The following MAST4 variants were observed in gnomAD, a reference collection of about 807,000 sequenced individuals.
The protein encoded by MAST4 is microtubule-associated serine/threonine-protein kinase 4.
A neutral mutation model predicts 162.7 loss-of-function variants in MAST4; 89 were observed. The observed-to-expected ratio is 0.55, with a 90% CI of 0.46 to 0.65. The LOEUF (loss-of-function observed/expected upper bound fraction) is 0.65, where lower values mean the gene tolerates loss of function less well. Among genes scored for constraint, MAST4 ranks in the 30% least tolerant of loss-of-function variants. The pLI, the probability that MAST4 is intolerant of heterozygous loss-of-function variation, is 0.00. For synonymous variants in MAST4, 1,479 were observed against 1,361.1 expected, an observed-to-expected ratio of 1.09 and a Z score of -1.91; for missense variants, 3,153 against 3,374.0, an observed-to-expected ratio of 0.93 and a Z score of 1.62.
chr5:66,995,328 A>C (rs2150295015), intron 4 of MAST4, among the ~76,000 whole-genome samples: 1 of 152,316 alleles, frequency 6.6e-6, no homozygotes, highest in South Asian at 2.1e-4. Context: ...AAGTATTCTA[A>C]AATTCTCAGG....
Position 67,165,844 on chromosome 5 carries a change from C to T in MAST4, c.6665C>T (p.Thr2222Ile), listed in dbSNP as rs759077139. Reference sequence around the variant, plus strand: ...TCTCAGAAACCAAGTGTCGGGGCCACAAAGGGCAAAGAGCCTGCCACTCAG... The same window carrying T: ...TCTCAGAAACCAAGTGTCGGGGCCATAAAGGGCAAAGAGCCTGCCACTCAG... ...LSSQKPSVGATKGKEPATQSL... is the reference protein window; with the variant it reads ...LSSQKPSVGAIKGKEPATQSL... The change falls in exon 29 of 29, where the codon ACA becomes ATA. Residue 2222 changes from threonine to isoleucine, a missense_variant. By Grantham distance (89) the Thr-to-Ile change is moderately conservative. Coordinates refer to ENST00000403625, the MANE Select transcript of MAST4 (RefSeq NM_001164664.2). 3.1e-6 allele frequency: 5 copies of T among 1,613,126 alleles called. No homozygotes were observed. The highest frequency in any genetic ancestry group is 4.2e-6 in the Non-Finnish European group (5 of 1,179,882).
intron 3 of MAST4, among the ~76,000 whole-genome samples, chr5:66,859,278 C>G (rs187324493): frequency 9.7e-4 from 148 of 152,272 alleles, no homozygotes; most frequent in African/African-American, 3.3e-3. Context: ...GTTAGACATA[C>G]ATTAAGATTT....
At chr5:67,137,959 A>G (rs1769878127) in intron 19 of MAST4, among the ~76,000 whole-genome samples, 1 of 152,140 alleles carries the variant, frequency 6.6e-6, no homozygotes, top group Admixed American at 6.5e-5. Flanking sequence ...TGACTAGACA[A>G]CTTCTTTTAG....
At chr5:66,877,438 C>T (rs1761378627) in intron 3 of MAST4, among the ~76,000 whole-genome samples, 1 of 152,184 alleles carries the variant, frequency 6.6e-6, no homozygotes, top group Admixed American at 6.5e-5. Flanking sequence ...GGGTGAAGTT[C>T]AGTAACTTGC....
intron 3 of MAST4, among the ~76,000 whole-genome samples, chr5:66,868,449 A>G (rs1426749273): frequency 2.0e-5 from 3 of 147,204 alleles, no homozygotes; most frequent in East Asian, 3.9e-4. Flanking sequence ...ATATATGTGT[A>G]TATACGTATA....
Position 67,160,506 on chromosome 5 carries a change from C to G in MAST4, c.3699C>G (p.Ile1233Met). The G allele has an allele frequency of 6.2e-7, 1 of 1,613,820 alleles. No homozygotes were observed. Residue 1233 changes from isoleucine to methionine, a missense_variant, in exon 27 of 29, where the codon ATC (isoleucine) becomes ATG (methionine). Physicochemically the swap from Ile to Met is conservative, Grantham distance 10. Transcript: ENST00000403625. Reference sequence around the variant, plus strand: ...CTACCCCATTTGAAAACACATCAATCAAAACTGGACCAGCCAGGAGAAACA... The same window carrying G: ...CTACCCCATTTGAAAACACATCAATGAAAACTGGACCAGCCAGGAGAAACA... Reference protein sequence around the residue: ...ITTTPFENTSIKTGPARRNSY... With the variant: ...ITTTPFENTSMKTGPARRNSY...
At position 67,102,549 on chromosome 5, in the gene MAST4, C is replaced by T. The variant is rs1048901863; in HGVS notation, c.1084C>T (p.Pro362Ser). 1 of 1,613,930 alleles carries T rather than the reference C, an allele frequency of 6.2e-7. No homozygotes were observed. Among genetic ancestry groups the T allele is most frequent in the Non-Finnish European group, 8.5e-7 (1 of 1,179,846 alleles). Reference protein sequence around the residue: ...RSRSLSPGRSPACCDHEIIMM... With the variant: ...RSRSLSPGRSSACCDHEIIMM... ...CTTTGCTTGCAGCCCTGGACGTTCT[C>T]CCGCCTGCTGTGACCATGAAATAAT... Residue 362 changes from proline to serine, a missense_variant, in exon 9 of 29, where the codon CCC becomes TCC. This residue lies in a region of MAST4 where 360 missense variants were observed against 450.0 expected (regional missense o/e 0.80). Coordinates refer to ENST00000403625, the MANE Select transcript of MAST4 (RefSeq NM_001164664.2).
At chr5:66,964,949 T>C (rs1174744575) in intron 4 of MAST4, among the ~76,000 whole-genome samples, 7 of 152,258 alleles carry the variant, frequency 4.6e-5, no homozygotes. Context: ...TTAAAAATAT[T>C]AACTTACAAG....
rs182320553 is a variant in MAST4, at chr5:67,166,274, C to A, written c.7095C>A (p.Thr2365=). ...GCCCGAGTCAGCCGGCCGCCAACAC[C>A]GACAGAAGGGCGGAAGGGAAGAAAT... ...DKSPSQPAAN[T]DRRAEGKKCT... Residue 2365 remains threonine, a synonymous_variant, in exon 29 of 29, where the codon ACC becomes ACA. Coordinates refer to ENST00000403625, the MANE Select transcript of MAST4 (RefSeq NM_001164664.2). The A allele has an allele frequency of 1.6e-5, 25 of 1,556,504 alleles. No individual in the cohort carries two copies. Among genetic ancestry groups the A allele is most frequent in the Middle Eastern group, 3.3e-4 (2 of 5,996 alleles).
At chr5:67,078,864 A>ACATATT (rs1561621438) in intron 5 of MAST4, among the ~76,000 whole-genome samples, 1 of 112,350 alleles carries the variant, frequency 8.9e-6, no homozygotes, top group African/African-American at 3.7e-5. Flanking sequence ...ATTTATATAA[A>ACATATT]TATATATTTA....
At position 66,661,070 on chromosome 5, in the gene MAST4, C is replaced by A. The variant is rs148297924; in HGVS notation, c.363+64052C>A. ...TTGGGAGAGTAGTATTTCCTCTGAT[C>A]CTCTAGGCATCCCTAGTGTCTATAT... On this transcript the variant is annotated intron_variant, in intron 1 of 28. Transcript: ENST00000403625. Among the ~76,000 whole-genome samples the A allele has an allele frequency of 2.3e-4, 35 of 152,230 alleles. 1 individual carries two copies. Among genetic ancestry groups the A allele is most frequent in the Non-Finnish European group, 3.1e-4 (21 of 68,022 alleles).
chr5:67,104,307 A>G (rs1207314847), intron 9 of MAST4, 59 bp from the exon 10 acceptor site: 1 of 1,283,456 alleles, frequency 7.8e-7, no homozygotes, highest in Non-Finnish European at 1.1e-6. Flanking sequence ...TGATGATTGA[A>G]TTGTTTACAT....
intron 3 of MAST4, 106 bp from the exon 4 acceptor site, chr5:66,899,845 A>G (rs1762896874): frequency 4.5e-6 from 4 of 892,544 alleles, no homozygotes; most frequent in Non-Finnish European, 3.2e-6. Context: ...AGAAATGCCA[A>G]ATCAAGCGTA....
intron 1 of MAST4, among the ~76,000 whole-genome samples, chr5:66,727,524 G>A (rs1751597240): frequency 1.3e-5 from 2 of 152,068 alleles, no homozygotes; most frequent in Admixed American, 6.6e-5. Context: ...GAGGAGGAGG[G>A]CAGTAAAAAG....
At chr5:67,026,125 G>A (rs1042719405) in intron 4 of MAST4, among the ~76,000 whole-genome samples, 2 of 152,208 alleles carry the variant, frequency 1.3e-5, no homozygotes, top group Non-Finnish European at 2.9e-5. Context: ...CCTAGAGTTT[G>A]TAAGTGTTTT....
intron 1 of MAST4, among the ~76,000 whole-genome samples, chr5:66,691,006 C>G (rs147065461): frequency 1.7e-3 from 261 of 152,194 alleles, no homozygotes; most frequent in Middle Eastern, 6.8e-3. Flanking sequence ...ATTGAGTATG[C>G]TTTAAGTGAC....
intron 4 of MAST4, among the ~76,000 whole-genome samples, chr5:66,947,848 T>G (rs1744214141): frequency 6.6e-6 from 1 of 152,098 alleles, no homozygotes; most frequent in African/African-American, 2.4e-5. Context: ...CTCTTTAGAG[T>G]CAGTAGCTGA....
chr5:67,105,846 G>T (rs1765537086), intron 10 of MAST4, among the ~76,000 whole-genome samples: 1 of 152,164 alleles, frequency 6.6e-6, no homozygotes, highest in African/African-American at 2.4e-5. Flanking sequence ...CTACACTAGA[G>T]TATAAAGTCT....
At chr5:66,609,443 G>A (rs1743131906) in intron 1 of MAST4, among the ~76,000 whole-genome samples, 1 of 142,950 alleles carries the variant, frequency 7.0e-6, no homozygotes, top group African/African-American at 2.6e-5. Flanking sequence ...AGACTGAAGT[G>A]CAGTGGGACC....
Sources: gnomAD v4.1 joint callset for allele counts (sites outside exome capture counted in the v4.1 genomes callset) on GRCh38, gnomAD v4.1.1 for gene constraint, gnomAD v4.1.1 regional missense constraint, MANE v1.5 for transcripts, NCBI Gene and HGNC (gene_info 2026-07-23, HGNC 2026-07-21) for gene names.